BEND3: variants seen among roughly 807,000 people sequenced by gnomAD.
BEND3 encodes the protein BEN domain containing 3.
BEND3 carries 13 observed loss-of-function variants against 60.1 expected under a neutral mutation model. That is an observed-to-expected ratio of 0.22 (90% CI 0.14 to 0.34). BEND3 has a LOEUF of 0.34. BEND3 is among the 10% of genes least tolerant of loss of function. The pLI is 1.00. For synonymous variants in BEND3, 497 were observed against 491.5 expected (o/e 1.01, Z -0.15); for missense variants, 896 against 1,138.1 (o/e 0.79, Z 3.06).
At chr6:107,096,771 AATAGCATAACTC>A (rs1775594255) in intron 3 of BEND3, among the ~76,000 whole-genome samples, 1 of 152,210 alleles carries the variant, frequency 6.6e-6, no homozygotes, top group Non-Finnish European at 1.5e-5. Flanking sequence ...AATGTCCTAA[AATAGCATAACTC>A]TGGGAATATA....
At chr6:107,092,624 G>A (rs1775499659) in intron 3 of BEND3, among the ~76,000 whole-genome samples, 1 of 150,812 alleles carries the variant, frequency 6.6e-6, no homozygotes, top group Non-Finnish European at 1.5e-5. Flanking sequence ...AAGGTCTTAG[G>A]TAATGCAATA....
At chr6:107,114,877 C>A (rs1233420261) in intron 1 of BEND3, among the ~76,000 whole-genome samples, 1 of 149,140 alleles carries the variant, frequency 6.7e-6, no homozygotes, top group African/African-American at 2.4e-5. Context: ...GCGGCGAGCC[C>A]GTGGGCGCCC....
At chr6:107,079,014 G>C (rs1307198219) in intron 3 of BEND3, among the ~76,000 whole-genome samples, 5 of 152,076 alleles carry the variant, frequency 3.3e-5, no homozygotes, top group Non-Finnish European at 7.3e-5. Flanking sequence ...AAATCCCCGA[G>C]ACCCTAGCAG....
Position 107,098,617 on chromosome 6 carries a change from C to G in BEND3, c.174G>C (p.Lys58Asn), listed in dbSNP as rs782265295. 13 of 1,613,932 alleles carry G rather than the reference C, an allele frequency of 8.1e-6. No homozygotes were observed. The Admixed American group carries it at 2.2e-4, about 27-fold the overall frequency. Residue 58 changes from lysine (K) to asparagine (N), a missense_variant, in exon 3 of 4, where the codon AAG (lysine) becomes AAC (asparagine). Around this residue, in one of 4 missense-constraint regions of BEND3, gnomAD observed 846 missense variants for 1,036.7 expected, o/e 0.82. Transcript: ENST00000369042. ...LTALQDSSKRKQLVSDGLLDS... is the reference protein window; with the variant it reads ...LTALQDSSKRNQLVSDGLLDS... ...CTAGCAGGCCATCGCTGACCAGCTGCTTTCGTTTGCTGGAGTCCTGCAGGG... is the reference window on the plus strand; with the variant it reads ...CTAGCAGGCCATCGCTGACCAGCTGGTTTCGTTTGCTGGAGTCCTGCAGGG...
chr6:107,071,683 A>G (rs1015754702), intron 3 of BEND3, among the ~76,000 whole-genome samples: 22 of 152,238 alleles, frequency 1.4e-4, no homozygotes, highest in African/African-American at 5.3e-4. Flanking sequence ...ATATTCATAC[A>G]ATGGAATATT....
chr6:107,085,704 G>A (rs1399453737), intron 3 of BEND3, among the ~76,000 whole-genome samples: 13 of 151,676 alleles, frequency 8.6e-5, no homozygotes, highest in African/African-American at 3.2e-4. Flanking sequence ...TGTTAGCCAG[G>A]ATGGTCTCGA....
chr6:107,087,792 C>CT lies in BEND3; in HGVS notation c.240+10758dup, dbSNP rs34765639. 6.2e-3 allele frequency among the ~76,000 whole-genome samples: 569 copies of CT among 92,380 alleles called. 7 individuals carry two copies. Among genetic ancestry groups the CT allele is most frequent in the African/African-American group, 0.018 (426 of 24,244 alleles). The allele number at this position is 92,380 out of a possible 152,430, so 60.6% of individuals were successfully genotyped here. The stretch of plus-strand genomic sequence containing the variant: ...GTCAATGGACACACAAATGAAAATA[C>CT]TTTTTTTTTTTTTTTTTTTTTTAGA... On this transcript the variant is annotated intron_variant, in intron 3 of 3. Coordinates refer to ENST00000369042, the MANE Select transcript of BEND3 (RefSeq NM_001367314.1).
Position 107,098,755 on chromosome 6 carries a change from T to C in BEND3, c.38-2A>G. The C allele has an allele frequency of 6.2e-7, 1 of 1,613,418 alleles. No homozygotes were observed. Reference sequence around the variant, plus strand: ...CTTTCACAGTGATACTTTTTAGAACTGTGTCAGAGAAGAAATAGGGCTCAG... The same window carrying C: ...CTTTCACAGTGATACTTTTTAGAACCGTGTCAGAGAAGAAATAGGGCTCAG... On this transcript the variant is annotated splice_acceptor_variant, in intron 2 of 3. Coordinates refer to ENST00000369042, the MANE Select transcript of BEND3 (RefSeq NM_001367314.1). LOFTEE classifies it high-confidence loss of function.
Position 107,068,567 on chromosome 6 carries a change from TGTA to T in BEND3, c.*134_*136del. 1 of 949,386 alleles carries T rather than the reference TGTA, an allele frequency of 1.1e-6. No individual in the cohort carries two copies. The highest frequency in any genetic ancestry group is 1.5e-6 in the Non-Finnish European group (1 of 651,218). 58.8% of individuals were successfully genotyped at this position (949,386 alleles called of 1,614,324 possible). A position where few individuals can be genotyped will look rare whatever the true frequency, so the allele number is the denominator to read the frequency against. ...TTGGGTGGGTGTTTACGTGTGCAAA[TGTA>T]GTAAGCCACTCCCCACGGACATAAG... On this transcript the variant is annotated 3_prime_UTR_variant, in exon 4 of 4. Transcript: ENST00000369042. This position sits in a 1 kb window ranked among gnomAD's most constrained non-coding sequence, Gnocchi z 5.8.
intron 3 of BEND3, among the ~76,000 whole-genome samples, chr6:107,079,652 T>C (rs1405398912): frequency 4.6e-5 from 7 of 152,116 alleles, no homozygotes; most frequent in Non-Finnish European, 1.0e-4. Context: ...AACGGAACTT[T>C]TCCCGTTTCA....
chr6:107,086,569 C>T (rs1443740865), intron 3 of BEND3, among the ~76,000 whole-genome samples: 1 of 148,418 alleles, frequency 6.7e-6, no homozygotes, highest in East Asian at 2.1e-4. Flanking sequence ...GAGCCGAAAT[C>T]GCGTCACTGC....
At chr6:107,106,759 C>T (rs958252765) in intron 1 of BEND3, among the ~76,000 whole-genome samples, 7 of 152,046 alleles carry the variant, frequency 4.6e-5, no homozygotes, top group African/African-American at 1.7e-4. Flanking sequence ...TAGGTGCACG[C>T]CACCACACCC....
intron 1 of BEND3, among the ~76,000 whole-genome samples, chr6:107,101,792 T>C (rs1374240217): frequency 6.6e-6 from 1 of 152,148 alleles, no homozygotes; most frequent in Non-Finnish European, 1.5e-5. Context: ...CAAGACCGGA[T>C]TCCCAGCCTG....
At chr6:107,104,829 C>G (rs1554237185) in intron 1 of BEND3, among the ~76,000 whole-genome samples, 1 of 151,958 alleles carries the variant, frequency 6.6e-6, no homozygotes. Flanking sequence ...CCACCACATA[C>G]AGCTAGTTTT....
chr6:107,081,505 A>G (rs918037047), intron 3 of BEND3, among the ~76,000 whole-genome samples: 5 of 152,258 alleles, frequency 3.3e-5, no homozygotes, highest in African/African-American at 1.2e-4. Context: ...TACAGGCATG[A>G]GCCACCGCAC....
In BEND3 at chr6:107,069,028, C is replaced by A. The variant is rs1774894373; in HGVS notation, c.2163G>T (p.Leu721=). The change falls in exon 4 of 4, where the codon CTG becomes CTT. Residue 721 remains leucine, a synonymous_variant. Transcript: ENST00000369042. ...CGATCTCACGCACCTCCTTGTCAGACAGCAGGTAGGGAGAAGGCACCGGGA... is the reference window on the plus strand; with the variant it reads ...CGATCTCACGCACCTCCTTGTCAGAAAGCAGGTAGGGAGAAGGCACCGGGA... The part of the protein sequence containing the change: ...PDFPVPSPYL[L]SDKEVREIVQ... The A allele has an allele frequency of 6.2e-7, 1 of 1,613,744 alleles. No homozygotes were observed.
rs781992169 is a variant in BEND3 at position 107,069,806 on chromosome 6, A to G, written c.1385T>C (p.Met462Thr). The G allele has an allele frequency of 2.5e-6, 4 of 1,613,330 alleles. No homozygotes were observed. In the South Asian group the frequency reaches 4.4e-5, roughly 18 times the overall value. ...CTGCAGCCAGGCCTCCTCCTCCTGCATGTCAGGGAAGTAGATCTCCGTGTA... is the reference window on the plus strand; with the variant it reads ...CTGCAGCCAGGCCTCCTCCTCCTGCGTGTCAGGGAAGTAGATCTCCGTGTA... ...RNYTEIYFPD[M>T]QEEEAWLQQC... is the part of the protein sequence containing the mutation. Residue 462 changes from methionine to threonine, a missense_variant, in exon 4 of 4, where the codon ATG becomes ACG. This residue lies in a region of BEND3 where 846 missense variants were observed against 1,036.7 expected (regional missense o/e 0.82). Transcript: ENST00000369042.
chr6:107,085,236 T>A (rs541060875), intron 3 of BEND3, among the ~76,000 whole-genome samples: 21 of 152,262 alleles, frequency 1.4e-4, no homozygotes, highest in African/African-American at 5.1e-4. Flanking sequence ...GAACAAACTC[T>A]GGACACACCA....
chr6:107,086,350 C>T (rs561818898), intron 3 of BEND3, among the ~76,000 whole-genome samples: 27 of 152,192 alleles, frequency 1.8e-4, no homozygotes, highest in South Asian at 1.0e-3. Context: ...CCTGGCCAGG[C>T]GCATGTTGGT....
Sources: gnomAD v4.1 joint callset for allele counts (sites outside exome capture counted in the v4.1 genomes callset) on GRCh38, gnomAD v4.1.1 for gene constraint, gnomAD v4.1.1 regional missense constraint, Gnocchi (gnomAD v3.1) non-coding constraint, MANE v1.5 for transcripts, NCBI Gene and HGNC (gene_info 2026-07-23, HGNC 2026-07-21) for gene names.